Variants in DNAAF10 observed in about 807,000 individuals in gnomAD.
DNAAF10 encodes the protein WD repeat domain 92.
A neutral mutation model predicts 43.7 loss-of-function variants in DNAAF10; 28 were observed. The ratio of observed to expected loss-of-function variants is 0.64; its 90% CI spans 0.48 to 0.88. The LOEUF (loss-of-function observed/expected upper bound fraction) is 0.88. DNAAF10 is among the 40% of genes least tolerant of loss of function. The probability of loss-of-function intolerance (pLI) is 0.00; values close to 1 mark genes in which losing one functional copy is unlikely to be tolerated. For missense variants in DNAAF10, 403 were observed against 439.1 expected (o/e 0.92, Z 0.73); for synonymous variants, 156 against 157.3 (o/e 0.99, Z 0.06).
intron 5 of DNAAF10, 49 bp downstream of exon 5, chr2:68,138,693 G>T: frequency 7.5e-7 from 1 of 1,340,078 alleles, no homozygotes; most frequent in Non-Finnish European, 1.1e-6. Flanking sequence ...GTTCAGAGGT[G>T]AATGGAAACA....
At chr2:68,156,562 G>A (rs1673622263) in intron 1 of DNAAF10, among the ~76,000 whole-genome samples, 1 of 152,096 alleles carries the variant, frequency 6.6e-6, no homozygotes, top group African/African-American at 2.4e-5. Flanking sequence ...CCTTTCAGTT[G>A]TGTCCGTTTT....
At chr2:68,153,411 T>C (rs376856029) in intron 1 of DNAAF10, among the ~76,000 whole-genome samples, 57 of 150,272 alleles carry the variant, frequency 3.8e-4, no homozygotes, top group African/African-American at 1.3e-3. Context: ...AGGGTAGATC[T>C]ACGATGATAC....
At chr2:68,146,408 T>C (rs755167235) in intron 2 of DNAAF10, among the ~76,000 whole-genome samples, 2 of 152,232 alleles carry the variant, frequency 1.3e-5, no homozygotes, top group Non-Finnish European at 2.9e-5. Context: ...AACATTATTT[T>C]TTAACATGAA....
At position 68,131,203 on chromosome 2, in the gene DNAAF10, C is replaced by A. The variant is rs1187722455; in HGVS notation, c.*35G>T. ...AAAGTGCTGGGATTACAGGAGTGAG[C>A]CACCGTGCCCAGCCTCAAGTCCAAA... On this transcript the variant is annotated 3_prime_UTR_variant, in exon 8 of 8. Transcript: ENST00000295121. 6.2e-7 allele frequency: 1 copy of A among 1,608,578 alleles called. No homozygotes were observed. Among genetic ancestry groups the A allele is most frequent in the Non-Finnish European group, 8.5e-7 (1 of 1,175,518 alleles).
intron 2 of DNAAF10, among the ~76,000 whole-genome samples, chr2:68,145,672 G>C (rs371133606): frequency 2.8e-4 from 42 of 152,094 alleles, no homozygotes; most frequent in African/African-American, 9.9e-4. Flanking sequence ...ATTACTGCAA[G>C]ACAGGCTGAA....
chr2:68,141,259 T>C (rs1251401615), intron 4 of DNAAF10, among the ~76,000 whole-genome samples: 1 of 152,264 alleles, frequency 6.6e-6, no homozygotes, highest in East Asian at 1.9e-4. Flanking sequence ...TATGATTTGT[T>C]AGGTAACTGT....
rs955807664 is a variant in DNAAF10, at chr2:68,157,483, A to T, written c.-40T>A. 6.2e-7 allele frequency: 1 copy of T among 1,613,950 alleles called. No homozygotes were observed. The highest frequency in any genetic ancestry group is 8.5e-7 in the Non-Finnish European group (1 of 1,179,992). On this transcript the variant is annotated 5_prime_UTR_variant, in exon 1 of 8. Coordinates refer to ENST00000295121, the MANE Select transcript of DNAAF10 (RefSeq NM_138458.4). Reference sequence around the variant, plus strand: ...CAGCTACGGCAACCGCCACACCCAGAGCCCCCAAAAACGGCAACCTGGAAA... The same window carrying T: ...CAGCTACGGCAACCGCCACACCCAGTGCCCCCAAAAACGGCAACCTGGAAA...
At position 68,130,115 on chromosome 2, in the gene DNAAF10, G is replaced by GAGATATATATATATATATATAT. The variant is rs1453152500; in HGVS notation, c.*1122_*1123insATATATATATATATATATATCT. 7.5e-6 allele frequency: 1 copy of GAGATATATATATATATATATAT among 132,948 alleles called. No individual in the cohort carries two copies. The highest frequency in any genetic ancestry group is 2.9e-5 in the African/African-American group (1 of 34,264). The allele number at this position is 132,948 out of a possible 1,614,324, so 8.2% of individuals were successfully genotyped here. A position where few individuals can be genotyped will look rare whatever the true frequency, so the allele number is the denominator to read the frequency against. On this transcript the variant is annotated 3_prime_UTR_variant, in exon 8 of 8. Coordinates refer to ENST00000295121, the MANE Select transcript of DNAAF10 (RefSeq NM_138458.4). Reference sequence around the variant, plus strand: ...CAACCGTGCCGTTTTGAGAGAGAGAGATATATATATATATATTTGTTTTTT... The same window carrying GAGATATATATATATATATATAT: ...CAACCGTGCCGTTTTGAGAGAGAGAGAGATATATATATATATATATATATATATATATATATATTTGTTTTTT...
chr2:68,138,264 T>G (rs1673094088), intron 5 of DNAAF10, among the ~76,000 whole-genome samples: 1 of 152,164 alleles, frequency 6.6e-6, no homozygotes, highest in South Asian at 2.1e-4. Context: ...CCATGCTCAG[T>G]GAATGCCTTT....
intron 5 of DNAAF10, among the ~76,000 whole-genome samples, chr2:68,137,685 G>A (rs1028613074): frequency 2.4e-4 from 36 of 151,800 alleles, no homozygotes; most frequent in Non-Finnish European, 4.0e-4. Context: ...TGACCTACAT[G>A]GTGAAACCCT....
At chr2:68,148,456 A>G (rs569832309) in intron 1 of DNAAF10, among the ~76,000 whole-genome samples, 13 of 152,316 alleles carry the variant, frequency 8.5e-5, no homozygotes, top group African/African-American at 2.9e-4. Context: ...AAATATACAT[A>G]TTCGTTATAC....
chr2:68,156,769 C>T (rs79883557), intron 1 of DNAAF10, among the ~76,000 whole-genome samples: 10,214 of 152,290 alleles, frequency 0.067, 397 homozygotes, highest in Middle Eastern at 0.19. Context: ...AATCTGTTTT[C>T]ATTCATCCCA....
intron 1 of DNAAF10, among the ~76,000 whole-genome samples, chr2:68,154,438 G>A (rs1202488751): frequency 1.3e-5 from 2 of 151,808 alleles, no homozygotes; most frequent in Non-Finnish European, 2.9e-5. Context: ...AGTAGAGACG[G>A]GGTTTCACCG....
At chr2:68,155,680 C>T (rs1334702353) in intron 1 of DNAAF10, among the ~76,000 whole-genome samples, 2 of 151,670 alleles carry the variant, frequency 1.3e-5, no homozygotes, top group East Asian at 3.9e-4. Flanking sequence ...GACAGAGCTA[C>T]GCCATCCCTA....
At chr2:68,142,599 T>C (rs1190508552) in intron 3 of DNAAF10, among the ~76,000 whole-genome samples, 1 of 152,212 alleles carries the variant, frequency 6.6e-6, no homozygotes, top group Non-Finnish European at 1.5e-5. Flanking sequence ...AATTTTCCTG[T>C]GGCAATAGTG....
chr2:68,157,426 C>G lies in DNAAF10; in HGVS notation c.18G>C (p.Lys6Asn), dbSNP rs1279779708. Residue 6 changes from lysine to asparagine, a missense_variant, in exon 1 of 8, where the codon AAG becomes AAC. Lys to Asn is a moderately conservative substitution (Grantham distance 94). Transcript: ENST00000295121. MSAFE[K>N]PQIIAHIQKG... is the part of the protein sequence containing the mutation. ...TCTGGATATGGGCGATGATCTGAGG[C>G]TTCTCGAAGGCCGACATGGTGCAGC... The G allele has an allele frequency of 1.2e-6, 2 of 1,614,228 alleles. No homozygotes were observed. Among genetic ancestry groups the G allele is most frequent in the South Asian group, 1.1e-5 (1 of 91,090 alleles).
Position 68,150,602 on chromosome 2 carries a change from G to A in DNAAF10, c.184-3035C>T, listed in dbSNP as rs538824240. Reference sequence around the variant, plus strand: ...ACAAAAATTAGCCAGGCGTGGTGGTGGATGCCTGTAATTCCAGCTACTGGG... The same window carrying A: ...ACAAAAATTAGCCAGGCGTGGTGGTAGATGCCTGTAATTCCAGCTACTGGG... On this transcript the variant is annotated intron_variant, in intron 1 of 7. Coordinates refer to ENST00000295121, the MANE Select transcript of DNAAF10 (RefSeq NM_138458.4). Among the ~76,000 whole-genome samples the A allele has an allele frequency of 1.6e-3, 239 of 152,070 alleles. 2 individuals are homozygous for A. Among genetic ancestry groups the A allele is most frequent in the Non-Finnish European group, 2.9e-3 (194 of 67,984 alleles).
chr2:68,147,169 G>A (rs1162842184), intron 2 of DNAAF10, among the ~76,000 whole-genome samples: 3 of 151,990 alleles, frequency 2.0e-5, no homozygotes, highest in Non-Finnish European at 4.4e-5. Flanking sequence ...AGTTGGAGGG[G>A]GAACAGACCT....
At chr2:68,148,864 A>G (rs2077384131) in intron 1 of DNAAF10, among the ~76,000 whole-genome samples, 1 of 152,246 alleles carries the variant, frequency 6.6e-6, no homozygotes, top group Non-Finnish European at 1.5e-5. Context: ...TCCAGAAGTA[A>G]TCCCCACCCT....
Sources: gnomAD v4.1 joint callset for allele counts (sites outside exome capture counted in the v4.1 genomes callset) on GRCh38, gnomAD v4.1.1 for gene constraint, MANE v1.5 for transcripts, NCBI Gene and HGNC (gene_info 2026-07-23, HGNC 2026-07-21) for gene names.